FBN2: variants seen among roughly 807,000 people sequenced by gnomAD.
FBN2 encodes fibrillin-2.
FBN2 carries 105 observed loss-of-function variants against 355.6 expected under a neutral mutation model. The observed-to-expected ratio is 0.30, with a 90% CI of 0.25 to 0.35. The LOEUF (loss-of-function observed/expected upper bound fraction) is 0.35, where lower values mean the gene tolerates loss of function less well. Ranked by LOEUF, FBN2 falls within the 10% of genes least tolerant of loss-of-function variation. The pLI is 1.00. For missense variants in FBN2, 3,280 were observed against 3,758.7 expected (o/e 0.87, Z 3.33); for synonymous variants, 1,350 against 1,301.2 (o/e 1.04, Z -0.81).
At chr5:128,368,459 T>C (rs940176234) in intron 16 of FBN2, among the ~76,000 whole-genome samples, 2 of 122,222 alleles carry the variant, frequency 1.6e-5, no homozygotes, top group Non-Finnish European at 3.1e-5. Flanking sequence ...TATATACACA[T>C]ATATATACAT....
intron 48 of FBN2, among the ~76,000 whole-genome samples, chr5:128,294,975 C>G (rs931611371): frequency 6.8e-6 from 1 of 147,580 alleles, no homozygotes; most frequent in African/African-American, 2.5e-5. Context: ...TTAGGTCTAA[C>G]GTTTAAGTCT....
rs762705754 is a variant in FBN2, at chr5:128,280,334, AATATGAAT to A, written c.7013-25_7013-18del. 6.3e-7 allele frequency: 1 copy of A among 1,593,746 alleles called. No homozygotes were observed. Among genetic ancestry groups the A allele is most frequent in the Non-Finnish European group, 8.6e-7 (1 of 1,162,602 alleles). On this transcript the variant is annotated intron_variant, in intron 55 of 64. Coordinates refer to ENST00000262464, the MANE Select transcript of FBN2 (RefSeq NM_001999.4). ...CATTTTCATCTTTAGAAAAACAAAC[AATATGAAT>A]AATGAGAAAACTGTCAAATTATAGT...
rs891741402 is a variant in FBN2 at position 128,335,921 on chromosome 5, A to G, written c.3724+67T>C. ...ATTTGCATAGCCTTCATTATAATTC[A>G]GCGCCAAAAGTTTTCCTAGGCTGAT... On this transcript the variant is annotated intron_variant, in intron 28 of 64. Transcript: ENST00000262464. The G allele has an allele frequency of 3.2e-6, 5 of 1,554,030 alleles. No homozygotes were observed. In the African/African-American group the frequency reaches 4.1e-5, roughly 13 times the overall value.
chr5:128,528,607 T>C (rs1204877103), intron 3 of FBN2, among the ~76,000 whole-genome samples: 1 of 152,100 alleles, frequency 6.6e-6, no homozygotes, highest in African/African-American at 2.4e-5. Flanking sequence ...GTAAAAGGTT[T>C]CTTCTGAAGA....
At chr5:128,414,144 G>A (rs1228796334) in intron 7 of FBN2, among the ~76,000 whole-genome samples, 1 of 152,138 alleles carries the variant, frequency 6.6e-6, no homozygotes. Flanking sequence ...TGATTCACAT[G>A]TCATACAATT....
intron 7 of FBN2, among the ~76,000 whole-genome samples, chr5:128,441,181 C>T (rs1403998031): frequency 6.6e-6 from 1 of 152,184 alleles, no homozygotes; most frequent in South Asian, 2.1e-4. Context: ...ATAATCTCTA[C>T]AGCCAGTGCC....
At chr5:128,444,324 G>A (rs369190023) in intron 7 of FBN2, among the ~76,000 whole-genome samples, 11 of 150,438 alleles carry the variant, frequency 7.3e-5, no homozygotes, top group Non-Finnish European at 1.0e-4. Context: ...CACCCGCCTC[G>A]GCCTCCCAAA....
intron 6 of FBN2, among the ~76,000 whole-genome samples, chr5:128,463,350 TG>T (rs926387650): frequency 1.4e-4 from 22 of 152,070 alleles, no homozygotes; most frequent in African/African-American, 1.4e-4. Context: ...AGATTAAAAA[TG>T]GCATTTGACT....
At chr5:128,468,571 T>C (rs1271124731) in intron 5 of FBN2, among the ~76,000 whole-genome samples, 2 of 152,234 alleles carry the variant, frequency 1.3e-5, no homozygotes, top group Non-Finnish European at 2.9e-5. Flanking sequence ...CACCATTTTA[T>C]ATTCTCCTCA....
intron 6 of FBN2, among the ~76,000 whole-genome samples, chr5:128,455,646 C>T (rs1379663077): frequency 6.6e-6 from 1 of 152,072 alleles, no homozygotes; most frequent in Non-Finnish European, 1.5e-5. Context: ...CTGGCGTGAT[C>T]CACAGAGAGA....
chr5:128,361,645 G>T, intron 19 of FBN2, 78 bp downstream of exon 19: 1 of 1,468,250 alleles, frequency 6.8e-7, no homozygotes, highest in Non-Finnish European at 9.5e-7. Context: ...TCACTACATT[G>T]CTTCATCACT....
intron 5 of FBN2, among the ~76,000 whole-genome samples, chr5:128,467,863 T>C (rs1432496692): frequency 6.6e-6 from 1 of 152,210 alleles, no homozygotes; most frequent in African/African-American, 2.4e-5. Flanking sequence ...AATTTGCTTA[T>C]GCAATTTCCA....
At chr5:128,377,903 A>T (rs1222591737) in intron 12 of FBN2, 26 bp from the exon 13 acceptor site, 7 of 1,603,634 alleles carry the variant, frequency 4.4e-6, no homozygotes, top group Non-Finnish European at 6.0e-6. Context: ...ATGGCCAAAC[A>T]TCATTCTTTT....
intron 9 of FBN2, among the ~76,000 whole-genome samples, chr5:128,394,209 C>T (rs1052526848): frequency 2.6e-5 from 4 of 152,008 alleles, no homozygotes; most frequent in South Asian, 2.1e-4. Flanking sequence ...TTATTTTACA[C>T]GCTTTTAATT....
At chr5:128,520,593 A>G (rs1756405302) in intron 4 of FBN2, among the ~76,000 whole-genome samples, 1 of 152,180 alleles carries the variant, frequency 6.6e-6, no homozygotes, top group African/African-American at 2.4e-5. Flanking sequence ...CTTATCAGGT[A>G]TGTTGAACCG....
intron 6 of FBN2, among the ~76,000 whole-genome samples, chr5:128,451,545 C>T (rs2127065099): frequency 1.3e-5 from 2 of 152,262 alleles, no homozygotes; most frequent in East Asian, 3.9e-4. Flanking sequence ...GGATTACAGG[C>T]ATGAGACACC....
chr5:128,291,394 C>A, intron 49 of FBN2, 135 bp downstream of exon 49: 1 of 972,486 alleles, frequency 1.0e-6, no homozygotes, highest in South Asian at 1.4e-5. Flanking sequence ...TGTTTGAGAC[C>A]TAAATTTTTA....
chr5:128,348,675 T>C (rs1213583422), intron 23 of FBN2, among the ~76,000 whole-genome samples: 2 of 152,002 alleles, frequency 1.3e-5, no homozygotes, highest in Non-Finnish European at 2.9e-5. Context: ...CCATAGCTTA[T>C]TGGGGGAAAA....
At chr5:128,267,107 C>G (rs765580147) in intron 62 of FBN2, among the ~76,000 whole-genome samples, 1 of 152,014 alleles carries the variant, frequency 6.6e-6, no homozygotes. Context: ...TAGTTTGCTG[C>G]GGATGATGAT....
Sources: allele counts gnomAD v4.1 joint callset (sites outside exome capture counted in the v4.1 genomes callset), GRCh38; gene constraint gnomAD v4.1.1; transcripts MANE v1.5; gene names NCBI Gene and HGNC (gene_info 2026-07-23, HGNC 2026-07-21).